The following MGAT4C variants were observed in gnomAD, a reference collection of about 807,000 sequenced individuals.
The protein encoded by MGAT4C is alpha-1,3-mannosyl-glycoprotein 4-beta-N-acetylglucosaminyltransferase C.
MGAT4C carries 19 observed loss-of-function variants against 40.1 expected under a neutral mutation model. The observed-to-expected ratio is 0.47, with a 90% CI of 0.33 to 0.70. The LOEUF is 0.70. Ranked by LOEUF, MGAT4C falls within the 30% of genes least tolerant of loss-of-function variation. The pLI is 0.02. For synonymous variants in MGAT4C, 181 were observed against 187.1 expected (o/e 0.97, Z 0.27); for missense variants, 491 against 563.2 (o/e 0.87, Z 1.30).
At chr12:86,233,918 T>C (rs1951428980) in intron 1 of MGAT4C, among the ~76,000 whole-genome samples, 2 of 152,168 alleles carry the variant, frequency 1.3e-5, no homozygotes, top group African/African-American at 4.8e-5. Flanking sequence ...TGATTTATTT[T>C]CTATTATATA....
At chr12:86,662,823 C>T (rs1246260167) in intron 2 of MGAT4C, among the ~76,000 whole-genome samples, 1 of 152,078 alleles carries the variant, frequency 6.6e-6, no homozygotes, top group Admixed American at 6.5e-5. Context: ...TTTTGAAAGG[C>T]CACAAGTAAG....
intron 1 of MGAT4C, among the ~76,000 whole-genome samples, chr12:86,216,820 A>G (rs1362002300): frequency 1.3e-5 from 2 of 152,220 alleles, no homozygotes; most frequent in African/African-American, 4.8e-5. Context: ...AGCATTAAAT[A>G]TATTGCAGAC....
chr12:86,796,003 A>G (rs1034201896), intron 1 of MGAT4C, among the ~76,000 whole-genome samples: 3 of 152,062 alleles, frequency 2.0e-5, no homozygotes, highest in Non-Finnish European at 2.9e-5. Flanking sequence ...ATATTTTCAC[A>G]TGAACTTCAA....
intron 3 of MGAT4C, among the ~76,000 whole-genome samples, chr12:86,376,540 T>C (rs2136215955): frequency 6.6e-6 from 1 of 152,206 alleles, no homozygotes; most frequent in East Asian, 1.9e-4. Flanking sequence ...CAATGAATAT[T>C]TGGTGAATGA....
At chr12:86,118,988 A>C (rs545627635) in intron 1 of MGAT4C, among the ~76,000 whole-genome samples, 1 of 152,242 alleles carries the variant, frequency 6.6e-6, no homozygotes, top group Non-Finnish European at 1.5e-5. Flanking sequence ...AATTGGATGC[A>C]TCATATTCTA....
intron 1 of MGAT4C, among the ~76,000 whole-genome samples, chr12:86,800,114 T>C (rs1009071521): frequency 1.3e-5 from 2 of 151,918 alleles, no homozygotes; most frequent in African/African-American, 2.4e-5. Context: ...ATGTGTTCCT[T>C]AGACTACCAT....
At chr12:86,253,580 T>G (rs1952394625) in intron 1 of MGAT4C, among the ~76,000 whole-genome samples, 2 of 151,988 alleles carry the variant, frequency 1.3e-5, no homozygotes, top group African/African-American at 4.8e-5. Context: ...AAAGATCTTT[T>G]AAACTTTAAA....
At chr12:86,393,682 T>C (rs2136230383) in intron 3 of MGAT4C, among the ~76,000 whole-genome samples, 1 of 152,282 alleles carries the variant, frequency 6.6e-6, no homozygotes, top group East Asian at 1.9e-4. Context: ...TGGCAAAATA[T>C]CCAGCCTTGG....
At chr12:86,171,955 C>T (rs1452215262) in intron 1 of MGAT4C, among the ~76,000 whole-genome samples, 2 of 152,170 alleles carry the variant, frequency 1.3e-5, no homozygotes, top group Non-Finnish European at 2.9e-5. Flanking sequence ...AGTTGAGTGG[C>T]TAAAAACCCT....
chr12:86,074,042 T>C (rs1026886300), intron 1 of MGAT4C, among the ~76,000 whole-genome samples: 1 of 152,128 alleles, frequency 6.6e-6, no homozygotes, highest in Non-Finnish European at 1.5e-5. Context: ...GGTAATTGAA[T>C]CATGGGGGCC....
intron 4 of MGAT4C, 53 bp from the exon 5 acceptor site, chr12:85,980,483 A>G (rs1884464004): frequency 6.9e-7 from 1 of 1,448,120 alleles, no homozygotes; most frequent in Non-Finnish European, 9.3e-7. Flanking sequence ...ATATGGAAAA[A>G]GTAAAAGAGA....
intron 2 of MGAT4C, among the ~76,000 whole-genome samples, chr12:86,460,664 A>G (rs1215486036): frequency 6.6e-6 from 1 of 151,994 alleles, no homozygotes; most frequent in Admixed American, 6.6e-5. Flanking sequence ...TTAATAATAA[A>G]TAATAGCATC....
At chr12:86,108,392 C>G (rs1326007703) in intron 1 of MGAT4C, among the ~76,000 whole-genome samples, 1 of 152,132 alleles carries the variant, frequency 6.6e-6, no homozygotes, top group Non-Finnish European at 1.5e-5. Flanking sequence ...AAACTATATT[C>G]TAACTCCTTA....
Position 86,774,065 on chromosome 12 carries a change from C to T in MGAT4C, c.-261-46824G>A, listed in dbSNP as rs149200265. Among the ~76,000 whole-genome samples, 1,411 of 145,462 alleles carry T rather than the reference C, an allele frequency of 9.7e-3. 11 individuals carry two copies. The highest frequency in any genetic ancestry group is 0.018 in the Middle Eastern group (5 of 278). On this transcript the variant is annotated intron_variant, in intron 1 of 7. Transcript: ENST00000548651. ...GTCTTTTGGGTTCAAGCAATCCTCT[C>T]ATCTCAGCCTCCTAAGCAGCTGGGA... is the stretch of plus-strand genomic sequence containing the variant.
intron 2 of MGAT4C, chr12:86,015,933 C>T (rs1466666548): frequency 6.6e-6 from 1 of 152,090 alleles, no homozygotes; most frequent in African/African-American, 2.4e-5. Context: ...AATAAATGGG[C>T]TACATTGCTT....
At chr12:86,490,257 G>C (rs945088290) in intron 2 of MGAT4C, among the ~76,000 whole-genome samples, 1 of 151,942 alleles carries the variant, frequency 6.6e-6, no homozygotes, top group Non-Finnish European at 1.5e-5. Context: ...GAAGAGAGTG[G>C]GGGCCAATAT....
intron 3 of MGAT4C, among the ~76,000 whole-genome samples, chr12:86,380,708 A>G (rs1249826717): frequency 6.6e-6 from 1 of 152,186 alleles, no homozygotes; most frequent in African/African-American, 2.4e-5. Context: ...ATCACAATCC[A>G]GAGAGACATA....
rs188546583 is a variant in MGAT4C at position 85,997,840 on chromosome 12, G to T, written c.-6-8288C>A. ...TTTGTGGCTTTTCCAGGTGCACAGT[G>T]CAAGCTGTCAGTGGATCTACCATTC... is the stretch of plus-strand genomic sequence containing the variant. On this transcript the variant is annotated intron_variant, in intron 2 of 4. Transcript: ENST00000611864. 2.1e-3 allele frequency among the ~76,000 whole-genome samples: 321 copies of T among 152,310 alleles called. 2 individuals are homozygous for T. The highest frequency in any genetic ancestry group is 7.1e-3 in the African/African-American group (297 of 41,574).
chr12:86,216,141 A>G (rs1950662833), intron 1 of MGAT4C, among the ~76,000 whole-genome samples: 1 of 152,172 alleles, frequency 6.6e-6, no homozygotes, highest in African/African-American at 2.4e-5. Context: ...GCCCAGAATT[A>G]GTATATTTTT....
Sources: allele counts gnomAD v4.1 joint callset (sites outside exome capture counted in the v4.1 genomes callset), GRCh38; gene constraint gnomAD v4.1.1; transcripts MANE v1.5; gene names NCBI Gene and HGNC (gene_info 2026-07-23, HGNC 2026-07-21).